The following SGCD variants were observed in gnomAD, a reference collection of about 807,000 sequenced individuals.
SGCD encodes the protein sarcoglycan delta.
Under a neutral mutation model 36.6 loss-of-function variants are expected in SGCD, and 18 were observed. That is an observed-to-expected ratio of 0.49 (90% CI 0.34 to 0.73). SGCD has a LOEUF of 0.73. SGCD is among the 30% of genes least tolerant of loss of function. The pLI is 0.01. For missense variants in SGCD, 387 were observed against 346.7 expected (o/e 1.12, Z -0.92); for synonymous variants, 133 against 130.6 (o/e 1.02, Z -0.12).
At chr5:156,579,012 G>T (rs535665574) in intron 4 of SGCD, among the ~76,000 whole-genome samples, 1 of 152,050 alleles carries the variant, frequency 6.6e-6, no homozygotes, top group African/African-American at 2.4e-5. Context: ...TTAGGGTGTC[G>T]ATTTTAGATC....
chr5:155,744,772 GT>G, the SGCD span, among the ~76,000 whole-genome samples: 1 of 152,152 alleles, frequency 6.6e-6, no homozygotes, highest in East Asian at 1.9e-4. Context: ...TGAAAAGTTT[GT>G]TCGATGTTTA....
intron 6 of SGCD, among the ~76,000 whole-genome samples, chr5:156,637,866 T>G (rs1381206105): frequency 6.6e-6 from 1 of 152,190 alleles, no homozygotes; most frequent in Non-Finnish European, 1.5e-5. Flanking sequence ...ATCATTTAAG[T>G]GTTTTAATGC....
intron 4 of SGCD, among the ~76,000 whole-genome samples, chr5:156,555,727 A>C (rs1451058667): frequency 6.6e-6 from 1 of 151,230 alleles, no homozygotes; most frequent in Non-Finnish European, 1.5e-5. Context: ...TTTCCATTTG[A>C]ATTTTTAAGA....
chr5:156,022,961 A>G (rs918785558), intron 1 of SGCD, among the ~76,000 whole-genome samples: 3 of 152,206 alleles, frequency 2.0e-5, no homozygotes, highest in Non-Finnish European at 4.4e-5. Context: ...TTTGTTTCCC[A>G]GCTAAAAAGC....
At chr5:156,739,254 C>G (rs1158358512) in intron 7 of SGCD, among the ~76,000 whole-genome samples, 1 of 151,994 alleles carries the variant, frequency 6.6e-6, no homozygotes, top group East Asian at 1.9e-4. Context: ...CTCATTTGGC[C>G]CTAGACCTTG....
intron 1 of SGCD, among the ~76,000 whole-genome samples, chr5:155,891,981 C>T (rs1237320385): frequency 2.0e-5 from 3 of 152,122 alleles, no homozygotes; most frequent in Non-Finnish European, 4.4e-5. Flanking sequence ...ATTCCTCCTG[C>T]AGAAGGTACA....
chr5:156,653,510 C>G (rs1167042192), intron 7 of SGCD, among the ~76,000 whole-genome samples: 1 of 7,530 alleles, frequency 1.3e-4, no homozygotes, highest in Non-Finnish European at 3.4e-4. Context: ...TTTTTTTTTG[C>G]CCCTGTTGTT....
intron 4 of SGCD, among the ~76,000 whole-genome samples, chr5:156,510,589 T>G (rs1216153005): frequency 6.6e-6 from 1 of 152,204 alleles, no homozygotes; most frequent in Non-Finnish European, 1.5e-5. Flanking sequence ...AAAGTAAATA[T>G]TTTAGTTTTA....
intron 3 of SGCD, among the ~76,000 whole-genome samples, chr5:156,480,016 G>A (rs1298032654): frequency 2.0e-5 from 3 of 152,208 alleles, no homozygotes; most frequent in Non-Finnish European, 4.4e-5. Context: ...AGCTGTCTTG[G>A]CTTACATTTC....
chr5:156,325,040 C>G (rs796170694), upstream of SGCD, among the ~76,000 whole-genome samples: 1 of 152,058 alleles, frequency 6.6e-6, no homozygotes, highest in Non-Finnish European at 1.5e-5. Context: ...AGGTATAAAG[C>G]CCAGTTCTCT....
At chr5:156,379,341 TC>T (rs769752644) in intron 3 of SGCD, among the ~76,000 whole-genome samples, 1 of 152,132 alleles carries the variant, frequency 6.6e-6, no homozygotes, top group Non-Finnish European at 1.5e-5. Context: ...TGAGTAAATA[TC>T]TGCAATAAGT....
chr5:156,072,725 T>G lies in SGCD; in HGVS notation c.-281-45153T>G, dbSNP rs1234553792. ...CTCCTGGATAATGTCCTGCAGAGTG[T>G]TTTCCAACTTGGTTCCATTCTCCCC... On this transcript the variant is annotated intron_variant, in intron 1 of 9. Coordinates refer to the SGCD transcript ENST00000517913. Among the ~76,000 whole-genome samples the G allele has an allele frequency of 2.0e-5, 3 of 152,302 alleles. No individual in the cohort carries two copies. The East Asian group carries it at 5.8e-4, about 29-fold the overall frequency.
At chr5:156,482,237 G>A (rs1056121010) in intron 3 of SGCD, among the ~76,000 whole-genome samples, 5 of 151,768 alleles carry the variant, frequency 3.3e-5, no homozygotes, top group South Asian at 2.1e-4. Context: ...ATTTCAGTTC[G>A]TGCTGGAAGT....
At chr5:156,130,631 GAAA>G (rs2127606031) in intron 3 of SGCD, among the ~76,000 whole-genome samples, 1 of 152,144 alleles carries the variant, frequency 6.6e-6, no homozygotes, top group African/African-American at 2.4e-5. Context: ...CAGTTGTGAG[GAAA>G]TAGTCTCTTG....
rs148245321 is a variant in SGCD, at chr5:156,756,187, G to A, written c.576-1394G>A. On this transcript the variant is annotated intron_variant, in intron 7 of 8. Coordinates refer to ENST00000337851, the MANE Select transcript of SGCD (RefSeq NM_000337.6). ...TTTGAGAACCATTGCTGAGGTCTCC[G>A]TTCCTACGTTAGGATACTTTCTTTG... Among the ~76,000 whole-genome samples, 162 of 152,288 alleles carry A rather than the reference G, an allele frequency of 1.1e-3. 1 individual carries two copies. Among genetic ancestry groups the A allele is most frequent in the African/African-American group, 3.0e-3 (125 of 41,574 alleles).
intron 3 of SGCD, among the ~76,000 whole-genome samples, chr5:156,227,587 CT>C (rs566112509): frequency 5.3e-5 from 8 of 150,478 alleles, no homozygotes; most frequent in East Asian, 2.0e-4. Context: ...TATGTGGGCT[CT>C]TTTTTTTTGG....
chr5:156,052,962 C>T (rs1561697935), intron 1 of SGCD, among the ~76,000 whole-genome samples: 1 of 145,928 alleles, frequency 6.9e-6, no homozygotes, highest in Non-Finnish European at 1.5e-5. Flanking sequence ...ATGTGTTGTG[C>T]CCCCCTGGGG....
chr5:156,165,504 G>A (rs1763192768), intron 3 of SGCD, among the ~76,000 whole-genome samples: 1 of 152,082 alleles, frequency 6.6e-6, no homozygotes. Context: ...CCAGAGTTGT[G>A]CCAATTTTGT....
At chr5:156,568,413 G>A (rs1435644893) in intron 4 of SGCD, among the ~76,000 whole-genome samples, 1 of 152,142 alleles carries the variant, frequency 6.6e-6, no homozygotes, top group African/African-American at 2.4e-5. Context: ...TCAGGTAGCT[G>A]TAACCACTAA....
Sources: allele counts gnomAD v4.1 joint callset (sites outside exome capture counted in the v4.1 genomes callset), GRCh38; gene constraint gnomAD v4.1.1; transcripts MANE v1.5; gene names NCBI Gene and HGNC (gene_info 2026-07-23, HGNC 2026-07-21).